Variants in ARCN1 observed in about 807,000 individuals in gnomAD.
ARCN1 encodes the protein archain 1 coat protein complex I subunit delta.
In ARCN1, 5 loss-of-function variants were observed where a neutral mutation model predicts 60.4. That is an observed-to-expected ratio of 0.08 (90% CI 0.04 to 0.17). The LOEUF (loss-of-function observed/expected upper bound fraction) is 0.17. Among genes scored for constraint, ARCN1 ranks in the 10% least tolerant of loss-of-function variants. The pLI is 1.00. For missense variants in ARCN1, 464 were observed against 626.5 expected (o/e 0.74, Z 2.77); for synonymous variants, 224 against 220.0 (o/e 1.02, Z -0.16).
chr11:118,599,483 C>T (rs1555077771), intron 9 of ARCN1, among the ~76,000 whole-genome samples: 1 of 151,018 alleles, frequency 6.6e-6, no homozygotes, highest in Non-Finnish European at 1.5e-5. Context: ...GGCTGGAGTG[C>T]AGTGCGATCT....
At chr11:118,578,230 A>ACTATC (rs1938569836) in intron 1 of ARCN1, among the ~76,000 whole-genome samples, 1 of 151,916 alleles carries the variant, frequency 6.6e-6, no homozygotes. Flanking sequence ...ATAGTAACAT[A>ACTATC]CACCTTTTTG....
At chr11:118,599,948 G>T (rs1939114290) in intron 9 of ARCN1, among the ~76,000 whole-genome samples, 3 of 152,114 alleles carry the variant, frequency 2.0e-5, no homozygotes, top group African/African-American at 7.2e-5. Context: ...ATCAGTGTTG[G>T]AAGCAACTGT....
In ARCN1 at chr11:118,581,359, C is replaced by A; in HGVS notation, c.117C>A (p.Leu39=). 1 of 1,614,164 alleles carries A rather than the reference C, an allele frequency of 6.2e-7. No homozygotes were observed. Among genetic ancestry groups the A allele is most frequent in the South Asian group, 1.1e-5 (1 of 91,076 alleles). ...IEGLLAAFPK[L]MNTGKQHTFV... ...GCTTATTAGCAGCTTTTCCAAAGCT[C>A]ATGAACACTGGAAAACAACATACGT... Residue 39 remains leucine (L), a synonymous_variant, in exon 2 of 10, where the codon CTC becomes CTA. Transcript: ENST00000264028.
intron 1 of ARCN1, among the ~76,000 whole-genome samples, chr11:118,577,556 T>G (rs994722594): frequency 6.6e-6 from 1 of 152,184 alleles, no homozygotes; most frequent in Non-Finnish European, 1.5e-5. Context: ...AAATGCTGTT[T>G]CTTCTATCAA....
At chr11:118,583,039 C>T (rs2135541751) in intron 2 of ARCN1, 140 bp from the exon 3 acceptor site, 2 of 1,012,314 alleles carry the variant, frequency 2.0e-6, no homozygotes, top group South Asian at 3.1e-5. Flanking sequence ...AGACTCTGTC[C>T]CAAAAAATAA....
chr11:118,577,736 C>G (rs1938553832), intron 1 of ARCN1, among the ~76,000 whole-genome samples: 4 of 152,196 alleles, frequency 2.6e-5, no homozygotes, highest in Admixed American at 2.6e-4. Flanking sequence ...CCTGTGTCAT[C>G]TTAATTCTCA....
chr11:118,583,441 C>T, intron 3 of ARCN1, 83 bp downstream of exon 3: 3 of 1,403,572 alleles, frequency 2.1e-6, no homozygotes, highest in East Asian at 2.5e-5. Flanking sequence ...TTTTTACTTA[C>T]TAATGTAGAC....
rs183340386 is a variant in ARCN1 at position 118,594,028 on chromosome 11, A to G, written c.1241+330A>G. 18 of 195,846 alleles carry G rather than the reference A, an allele frequency of 9.2e-5. No individual in the cohort carries two copies. The East Asian group carries it at 2.3e-3, about 25-fold the overall frequency. The allele number at this position is 195,846 out of a possible 1,614,324, so 12.1% of individuals were successfully genotyped here. A position where few individuals can be genotyped will look rare whatever the true frequency, so the allele number is the denominator to read the frequency against. On this transcript the variant is annotated intron_variant, in intron 8 of 9. Transcript: ENST00000264028. ...GCACAGGTACTAAAATTGGAACCAT[A>G]CAGAGAAGATTAGCATGGGCCCTGT...
intron 1 of ARCN1, among the ~76,000 whole-genome samples, chr11:118,576,104 C>T (rs1350623824): frequency 6.6e-6 from 1 of 151,806 alleles, no homozygotes; most frequent in East Asian, 1.9e-4. Flanking sequence ...AATTAAGTGA[C>T]TTATCCAAGG....
chr11:118,594,887 T>A (rs1555076916), intron 8 of ARCN1, among the ~76,000 whole-genome samples: 1 of 152,132 alleles, frequency 6.6e-6, no homozygotes, highest in Non-Finnish European at 1.5e-5. Context: ...TCTCACTCTG[T>A]CAGCCAGGCT....
At chr11:118,597,164 G>A (rs975280401) in intron 8 of ARCN1, among the ~76,000 whole-genome samples, 3 of 152,292 alleles carry the variant, frequency 2.0e-5, no homozygotes, top group Non-Finnish European at 4.4e-5. Context: ...CTGAGATCAC[G>A]CCACTGTACT....
At position 118,601,454 on chromosome 11, in the gene ARCN1, T is replaced by G. The variant is rs1748687799; in HGVS notation, c.*740T>G. 1.6e-6 allele frequency: 1 copy of G among 612,272 alleles called. No homozygotes were observed. Among genetic ancestry groups the G allele is most frequent in the East Asian group, 2.8e-5 (1 of 35,834 alleles). The allele number at this position is 612,272 out of a possible 1,614,324, so 37.9% of individuals were successfully genotyped here. A position where few individuals can be genotyped will look rare whatever the true frequency, so the allele number is the denominator to read the frequency against. Reference sequence around the variant, plus strand: ...AAAAAGTTTTCTCTGTAGAAAATTTTAATCATTCATACCCTTTACCTTTAG... The same window carrying G: ...AAAAAGTTTTCTCTGTAGAAAATTTGAATCATTCATACCCTTTACCTTTAG... On this transcript the variant is annotated 3_prime_UTR_variant, in exon 10 of 10. Transcript: ENST00000264028.
chr11:118,576,448 A>AAC (rs1555073621), intron 1 of ARCN1, among the ~76,000 whole-genome samples: 2 of 148,426 alleles, frequency 1.3e-5, no homozygotes, highest in African/African-American at 2.5e-5. Flanking sequence ...AAAAAAAAAA[A>AAC]ACCAAAAACT....
intron 6 of ARCN1, among the ~76,000 whole-genome samples, chr11:118,591,193 T>C (rs879972769): frequency 8.5e-5 from 13 of 152,266 alleles, no homozygotes; most frequent in Admixed American, 4.6e-4. Context: ...CCCTGCTTTA[T>C]GTTACAGGTG....
chr11:118,581,238 C>G lies in ARCN1; in HGVS notation c.4-8C>G, dbSNP rs374764727. On this transcript the variant is annotated splice_region_variant and splice_polypyrimidine_tract_variant and intron_variant, in intron 1 of 9. Transcript: ENST00000264028. ...ATTAGTACTTACTTATGCATATGTT[C>G]CTGGCAGGTGCTGTTGGCAGCAGCG... is the stretch of plus-strand genomic sequence containing the variant. 1.5e-5 allele frequency: 25 copies of G among 1,613,750 alleles called. No individual in the cohort carries two copies. In the African/African-American group the frequency reaches 2.7e-4, roughly 17 times the overall value.
chr11:118,577,764 A>G (rs1555073924), intron 1 of ARCN1, among the ~76,000 whole-genome samples: 1 of 152,238 alleles, frequency 6.6e-6, no homozygotes, highest in Non-Finnish European at 1.5e-5. Flanking sequence ...TGTTGTATGT[A>G]TAGTAGATGT....
At chr11:118,578,128 C>T (rs1239987979) in intron 1 of ARCN1, among the ~76,000 whole-genome samples, 1 of 151,344 alleles carries the variant, frequency 6.6e-6, no homozygotes, top group Admixed American at 6.6e-5. Context: ...CACCACTGCA[C>T]TCCAGCCTGG....
chr11:118,581,901 G>T (rs1938657303), intron 2 of ARCN1, among the ~76,000 whole-genome samples: 1 of 146,996 alleles, frequency 6.8e-6, no homozygotes, highest in Admixed American at 6.7e-5. Flanking sequence ...GAAGACTTAG[G>T]TAAGACTTAC....
At chr11:118,593,889 T>C (rs1938968877) in intron 8 of ARCN1, 191 bp downstream of exon 8, 1 of 448,370 alleles carries the variant, frequency 2.2e-6, no homozygotes, top group Non-Finnish European at 4.1e-6. Flanking sequence ...CTGGAAAAGG[T>C]AATACTATTG....
Sources: gnomAD v4.1 joint callset for allele counts (sites outside exome capture counted in the v4.1 genomes callset) on GRCh38, gnomAD v4.1.1 for gene constraint, MANE v1.5 for transcripts, NCBI Gene and HGNC (gene_info 2026-07-23, HGNC 2026-07-21) for gene names.